Variants in FYTTD1 observed in about 807,000 individuals in gnomAD.
The protein encoded by FYTTD1 is forty-two-three domain containing 1, also known as UAP56-interacting factor.
FYTTD1 carries 22 observed loss-of-function variants against 40.9 expected under a neutral mutation model. The observed-to-expected ratio is 0.54, with a 90% CI of 0.38 to 0.77. The LOEUF (loss-of-function observed/expected upper bound fraction) is 0.77. Ranked by LOEUF, FYTTD1 falls within the 30% of genes least tolerant of loss-of-function variation. The pLI is 0.00. For synonymous variants in FYTTD1, 140 were observed against 137.9 expected, an observed-to-expected ratio of 1.01 and a Z score of -0.10; for missense variants, 351 against 392.2, an observed-to-expected ratio of 0.90 and a Z score of 0.89.
chr3:197,773,235 G>A (rs1729768316), intron 4 of FYTTD1, among the ~76,000 whole-genome samples, 168 bp from the exon 5 acceptor site: 1 of 152,204 alleles, frequency 6.6e-6, no homozygotes, highest in African/African-American at 2.4e-5. Flanking sequence ...GGAGGTATTT[G>A]TTAATCAAAT....
chr3:197,762,839 G>A lies in FYTTD1; in HGVS notation c.236-5600G>A, dbSNP rs1340075602. Among the ~76,000 whole-genome samples, 6 of 150,804 alleles carry A rather than the reference G, an allele frequency of 4.0e-5. No homozygotes were observed. In the East Asian group the frequency reaches 7.9e-4, roughly 20 times the overall value. ...GGAGCTTGCAGTGAGCCGAGATCGC[G>A]GCCACTGCACTCCAGCCTGGGCGAC... On this transcript the variant is annotated intron_variant, in intron 2 of 8. Coordinates refer to ENST00000241502, the MANE Select transcript of FYTTD1 (RefSeq NM_032288.7).
Position 197,770,134 on chromosome 3 carries a change from T to C in FYTTD1, c.387T>C (p.Asn129=), listed in dbSNP as rs1401659009. 1 of 1,582,022 alleles carries C rather than the reference T, an allele frequency of 6.3e-7. No homozygotes were observed. ...PMNRPPLSDK[N]IEQYFPVLKR... is the part of the protein sequence containing the mutation. ...CATAATTTCTTGCCTTCTGATAGAA[T>C]ATAGAACAATATTTTCCAGTGTTAA... Residue 129 remains asparagine, a splice_region_variant and synonymous_variant, in exon 4 of 9, where the codon AAT becomes AAC. Transcript: ENST00000241502.
intron 2 of FYTTD1, among the ~76,000 whole-genome samples, chr3:197,767,510 T>G (rs1729587372): frequency 1.3e-5 from 2 of 151,416 alleles, no homozygotes; most frequent in African/African-American, 4.8e-5. Context: ...TTTTAATCTA[T>G]TTATTTTTTG....
chr3:197,765,099 C>T (rs143309121), intron 2 of FYTTD1, among the ~76,000 whole-genome samples: 29 of 152,192 alleles, frequency 1.9e-4, no homozygotes, highest in African/African-American at 6.0e-4. Context: ...ATGATCCACC[C>T]GCCTCAGCCT....
At chr3:197,779,530 T>TTC (rs1340765430) in intron 8 of FYTTD1, among the ~76,000 whole-genome samples, 102 of 5,636 alleles carry the variant, frequency 0.018, 1 homozygote, top group African/African-American at 0.043. Flanking sequence ...TCCTTAGGAC[T>TTC]TTTTTTTTTT....
In FYTTD1 at chr3:197,787,565, C is replaced by G. The variant is rs1268938278; in HGVS notation, c.*5656C>G. ...CCCCTGTGTTGAATGAGTTAACTTT[C>G]AGTCTGTAAAATAAACAGGAAGAAC... On this transcript the variant is annotated 3_prime_UTR_variant, in exon 9 of 9. Coordinates refer to ENST00000241502, the MANE Select transcript of FYTTD1 (RefSeq NM_032288.7). The G allele has an allele frequency of 6.6e-6, 1 of 152,218 alleles. No individual in the cohort carries two copies. Among genetic ancestry groups the G allele is most frequent in the Non-Finnish European group, 1.5e-5 (1 of 68,058 alleles). The allele number at this position is 152,218 out of a possible 1,614,324, so 9.4% of individuals were successfully genotyped here.
At chr3:197,755,755 TG>T in intron 1 of FYTTD1, 1 of 1,537,026 alleles carries the variant, frequency 6.5e-7, no homozygotes, top group Non-Finnish European at 8.8e-7. Flanking sequence ...CCCAAAGTGC[TG>T]GGATTATAGG....
At chr3:197,767,621 T>A (rs991746076) in intron 2 of FYTTD1, among the ~76,000 whole-genome samples, 12 of 152,144 alleles carry the variant, frequency 7.9e-5, no homozygotes, top group African/African-American at 2.9e-4. Context: ...TGTGCTACTA[T>A]GCCCAACTAA....
intron 2 of FYTTD1, among the ~76,000 whole-genome samples, chr3:197,760,811 A>G (rs982218621): frequency 7.3e-5 from 11 of 151,558 alleles, no homozygotes; most frequent in African/African-American, 2.7e-4. Context: ...GAATGTATAG[A>G]TTTGTTCCTC....
chr3:197,774,081 G>A (rs1179288338), intron 5 of FYTTD1, 68 bp from the exon 6 acceptor site: 1 of 1,329,100 alleles, frequency 7.5e-7, no homozygotes, highest in East Asian at 2.3e-5. Context: ...AAGTTCCAGA[G>A]CAGGATCGCT....
chr3:197,761,510 C>A (rs1405108072), intron 2 of FYTTD1, among the ~76,000 whole-genome samples: 1 of 151,152 alleles, frequency 6.6e-6, no homozygotes, highest in East Asian at 2.0e-4. Flanking sequence ...TAGAATTGTT[C>A]TTCAGTGGTA....
intron 2 of FYTTD1, among the ~76,000 whole-genome samples, chr3:197,766,640 G>A (rs1729559263): frequency 3.3e-5 from 5 of 151,772 alleles, no homozygotes; most frequent in Admixed American, 3.3e-4. Flanking sequence ...ATGGGGTGTC[G>A]CCATGTTGCC....
Position 197,774,204 on chromosome 3 carries a change from C to T in FYTTD1, c.650C>T (p.Thr217Ile). ...QLLDDVVAKR[T>I]RQWRTSTTNG... ...CTAGACGATGTAGTAGCAAAGAGAA[C>T]TCGTCAGTAAGTTTCCATTTGTTTT... Residue 217 changes from threonine (T) to isoleucine (I), a missense_variant, in exon 6 of 9, where the codon ACT becomes ATT. By Grantham distance (89) the Thr-to-Ile change is moderately conservative (BLOSUM62 -1). Transcript: ENST00000241502. 1 of 1,613,172 alleles carries T rather than the reference C, an allele frequency of 6.2e-7. No homozygotes were observed. Among genetic ancestry groups the T allele is most frequent in the Non-Finnish European group, 8.5e-7 (1 of 1,179,110 alleles).
rs1729686209 is a variant in FYTTD1, at chr3:197,770,517, G to A, written c.497+273G>A. ...TGACATATGGAATAAAATTGCAAAA[G>A]CTGATCACTTTAGTAGAACTCTCTT... On this transcript the variant is annotated intron_variant, in intron 4 of 8. Coordinates refer to ENST00000241502, the MANE Select transcript of FYTTD1 (RefSeq NM_032288.7). Among the ~76,000 whole-genome samples, 4 of 152,258 alleles carry A rather than the reference G, an allele frequency of 2.6e-5. No homozygotes were observed. In the South Asian group the frequency reaches 6.2e-4, roughly 24 times the overall value.
At chr3:197,762,180 T>G (rs1229205251) in intron 2 of FYTTD1, among the ~76,000 whole-genome samples, 3 of 152,174 alleles carry the variant, frequency 2.0e-5, no homozygotes, top group Non-Finnish European at 4.4e-5. Context: ...GTTACAAACA[T>G]TCAGTCCTTA....
rs754044260 is a variant in FYTTD1, at chr3:197,756,538, G to C, written c.216G>C (p.Trp72Cys). 9 of 1,613,824 alleles carry C rather than the reference G, an allele frequency of 5.6e-6. No homozygotes were observed. The highest frequency in any genetic ancestry group is 2.7e-5 in the African/African-American group (2 of 75,030). Residue 72 changes from tryptophan to cysteine, a missense_variant, in exon 2 of 9, where the codon TGG (tryptophan) becomes TGC (cysteine). Physicochemically the swap from Trp to Cys is radical, Grantham distance 215. Coordinates refer to ENST00000241502, the MANE Select transcript of FYTTD1 (RefSeq NM_032288.7). ...AGCAATTCAGGATGAGAGTGCGATG[G>C]GGAATCCAACAGAATTCTGGTAAGT... ...GAQQFRMRVR[W>C]GIQQNSGFGK...
chr3:197,773,529 T>C (rs1456687071), intron 5 of FYTTD1, 30 bp downstream of exon 5: 1 of 1,268,108 alleles, frequency 7.9e-7, no homozygotes, highest in Non-Finnish European at 1.1e-6. Flanking sequence ...GTGTTTTTGT[T>C]TGTTTGTTTG....
chr3:197,759,921 T>C (rs184002728), intron 2 of FYTTD1, among the ~76,000 whole-genome samples: 52 of 151,792 alleles, frequency 3.4e-4, no homozygotes, highest in African/African-American at 1.2e-3. Context: ...GTAGAATGTA[T>C]AGAGTGTTCT....
chr3:197,752,821 A>G (rs578104085), intron 1 of FYTTD1, among the ~76,000 whole-genome samples: 1 of 152,308 alleles, frequency 6.6e-6, no homozygotes, highest in East Asian at 1.9e-4. Context: ...AATCAGAGGC[A>G]TAGAGAAATT....
Sources: gnomAD v4.1 joint callset for allele counts (sites outside exome capture counted in the v4.1 genomes callset) on GRCh38, gnomAD v4.1.1 for gene constraint, MANE v1.5 for transcripts, NCBI Gene and HGNC (gene_info 2026-07-23, HGNC 2026-07-21) for gene names.